The following SHROOM2 variants were observed in gnomAD, a reference collection of about 807,000 sequenced individuals.
The protein encoded by SHROOM2 is shroom family member 2.
Under a neutral mutation model 75.9 loss-of-function variants are expected in SHROOM2, and 33 were observed. That is an observed-to-expected ratio of 0.43 (90% CI 0.33 to 0.58). SHROOM2 has a LOEUF of 0.58. Ranked by LOEUF, SHROOM2 falls within the 20% of genes least tolerant of loss-of-function variation. The pLI is 0.04. For synonymous variants in SHROOM2, 655 were observed against 663.6 expected (o/e 0.99, Z 0.20); for missense variants, 1,434 against 1,461.2 (o/e 0.98, Z 0.30).
intron 1 of SHROOM2, among the ~76,000 whole-genome samples, chrX:9,872,563 C>CA (rs917962973): frequency 6.5e-5 from 7 of 107,696 alleles, no homozygotes; most frequent in African/African-American, 2.4e-4. Flanking sequence ...GACTCTGTCT[C>CA]AAAAAAAAGA....
intron 1 of SHROOM2, among the ~76,000 whole-genome samples, chrX:9,837,937 C>T (rs2083956165): frequency 2.7e-5 from 3 of 111,051 alleles, no homozygotes; most frequent in Admixed American, 1.9e-4. Context: ...ACTGGGGCAT[C>T]GGGGTCACCA....
chrX:9,870,186 A>G (rs187472625), intron 1 of SHROOM2, among the ~76,000 whole-genome samples: 6 of 112,054 alleles, frequency 5.4e-5, no homozygotes, highest in Admixed American at 2.9e-4. Context: ...TGATCACGCC[A>G]TTACACTCCA....
intron 1 of SHROOM2, among the ~76,000 whole-genome samples, chrX:9,840,931 T>C (rs2083976065): frequency 8.9e-6 from 1 of 112,454 alleles, no homozygotes; most frequent in African/African-American, 3.2e-5. Flanking sequence ...TACGGTTACT[T>C]GAAGACTGAA....
chrX:9,807,281 G>A (rs940142861), intron 1 of SHROOM2, among the ~76,000 whole-genome samples: 1 of 112,231 alleles, frequency 8.9e-6, no homozygotes, highest in African/African-American at 3.2e-5. Context: ...GTGAAAGGGC[G>A]CTCATCCTTC....
chrX:9,913,093 C>A (rs746940874), intron 5 of SHROOM2: 2 of 112,409 alleles, frequency 1.8e-5, no homozygotes, highest in Admixed American at 9.4e-5. Context: ...AGATGGGTTC[C>A]CCGAGGGAGC....
chrX:9,790,091 A>G (rs1312451237), intron 1 of SHROOM2, among the ~76,000 whole-genome samples: 1 of 112,137 alleles, frequency 8.9e-6, no homozygotes, highest in Non-Finnish European at 1.9e-5. Flanking sequence ...ATCAGGGCAT[A>G]TTTTGGGGGG....
chrX:9,846,242 C>G, intron 1 of SHROOM2, among the ~76,000 whole-genome samples: 1 of 109,612 alleles, frequency 9.1e-6, no homozygotes, highest in Middle Eastern at 4.7e-3. Context: ...GCCTCAGCCT[C>G]CTGAGTAGCT....
chrX:9,868,827 A>G (rs760291042), intron 1 of SHROOM2, among the ~76,000 whole-genome samples: 6 of 93,947 alleles, frequency 6.4e-5, no homozygotes, highest in African/African-American at 2.0e-4. Flanking sequence ...CGATCCTTCC[A>G]CATTGGCCTC....
chrX:9,804,016 G>T (rs2083738340), intron 1 of SHROOM2, among the ~76,000 whole-genome samples: 1 of 111,689 alleles, frequency 9.0e-6, no homozygotes, highest in African/African-American at 3.3e-5. Context: ...GTCTGGCCTT[G>T]GGAAGATGGA....
chrX:9,903,318 G>C (rs2084374439), intron 5 of SHROOM2, among the ~76,000 whole-genome samples: 1 of 112,382 alleles, frequency 8.9e-6, no homozygotes, highest in Non-Finnish European at 1.9e-5. Flanking sequence ...TGAATAGACT[G>C]TGCTGGATCG....
At position 9,841,668 on chromosome X, in the gene SHROOM2, C is replaced by T. The variant is rs772119306; in HGVS notation, c.166-31984C>T. Reference sequence around the variant, plus strand: ...ATTGCTAAGGGAGTTCCTTAGCAGACCAATTCGGAATGAGTTATGTGTAAA... The same window carrying T: ...ATTGCTAAGGGAGTTCCTTAGCAGATCAATTCGGAATGAGTTATGTGTAAA... On this transcript the variant is annotated intron_variant, in intron 1 of 9. Transcript: ENST00000380913. 2.3e-3 allele frequency among the ~76,000 whole-genome samples: 262 copies of T among 111,753 alleles called. 1 individual carries two copies. Among genetic ancestry groups the T allele is most frequent in the African/African-American group, 8.0e-3 (247 of 30,775 alleles).
intron 1 of SHROOM2, among the ~76,000 whole-genome samples, chrX:9,857,535 C>CA (rs943639699): frequency 9.1e-6 from 1 of 109,495 alleles, no homozygotes; most frequent in African/African-American, 3.3e-5. Flanking sequence ...TACAGGCACA[C>CA]ACCACCACAC....
chrX:9,938,143 G>A (rs1436563671), intron 7 of SHROOM2, among the ~76,000 whole-genome samples: 7 of 111,274 alleles, frequency 6.3e-5, no homozygotes, highest in Non-Finnish European at 1.3e-4. Flanking sequence ...CAGCCCCCAC[G>A]TGTCCCTAGT....
intron 1 of SHROOM2, among the ~76,000 whole-genome samples, chrX:9,800,684 C>G (rs933808859): frequency 1.8e-5 from 2 of 109,475 alleles, no homozygotes; most frequent in Admixed American, 9.8e-5. Context: ...ATCTCTGTCA[C>G]CCACTGGAGT....
intron 1 of SHROOM2, among the ~76,000 whole-genome samples, chrX:9,836,666 A>G (rs1171299202): frequency 1.8e-5 from 2 of 109,603 alleles, no homozygotes; most frequent in Non-Finnish European, 3.8e-5. Flanking sequence ...GCCTGAAGCA[A>G]TCCTCCCATC....
At chrX:9,826,086 G>A (rs1010125060) in intron 1 of SHROOM2, among the ~76,000 whole-genome samples, 13 of 112,629 alleles carry the variant, frequency 1.2e-4, no homozygotes, top group African/African-American at 2.6e-4. Context: ...TGCCTCTCAC[G>A]GTAGCAACTC....
In SHROOM2 at chrX:9,885,598, T is replaced by C. The variant is rs151025022; in HGVS notation, c.318-5379T>C. Among the ~76,000 whole-genome samples the C allele has an allele frequency of 7.6e-3, 844 of 111,393 alleles. 17 individuals carry two copies. In the East Asian group the frequency reaches 0.094, roughly 12 times the overall value. ...TTCACTGTCCACAGTAACCAAGATA[T>C]CTTCAGTTAAAGCAGAAAGAGTGCA... On this transcript the variant is annotated intron_variant, in intron 2 of 9. Transcript: ENST00000380913.
chrX:9,824,019 C>T (rs1322309006), intron 1 of SHROOM2, among the ~76,000 whole-genome samples: 2 of 111,069 alleles, frequency 1.8e-5, no homozygotes, highest in African/African-American at 3.3e-5. Flanking sequence ...TTCCAAAGTG[C>T]TGGGATTACA....
chrX:9,909,424 C>T (rs2084409377), intron 5 of SHROOM2, among the ~76,000 whole-genome samples: 1 of 112,523 alleles, frequency 8.9e-6, no homozygotes, highest in Admixed American at 9.4e-5. Flanking sequence ...AGCATAGCTC[C>T]CCCGCTCCCC....
Sources: allele counts gnomAD v4.1 joint callset (sites outside exome capture counted in the v4.1 genomes callset), GRCh38; gene constraint gnomAD v4.1.1; transcripts MANE v1.5; gene names NCBI Gene and HGNC (gene_info 2026-07-23, HGNC 2026-07-21).